TBC1D9: variants seen among roughly 807,000 people sequenced by gnomAD.
TBC1D9 encodes TBC1 domain family member 9A.
TBC1D9 carries 63 observed loss-of-function variants against 132.0 expected under a neutral mutation model. That is an observed-to-expected ratio of 0.48 (90% confidence interval 0.39 to 0.59). The LOEUF is 0.59. Among genes scored for constraint, TBC1D9 ranks in the 20% least tolerant of loss-of-function variants. The pLI is 0.00. For missense variants in TBC1D9, 1,261 were observed against 1,592.7 expected (o/e 0.79, Z 3.54); for synonymous variants, 610 against 609.9 (o/e 1.00, Z 0.00).
rs760284706 is a variant in TBC1D9, at chr4:140,669,659, G to A, written c.1412C>T (p.Ser471Phe). The A allele has an allele frequency of 1.2e-6, 2 of 1,612,624 alleles. No homozygotes were observed. Among genetic ancestry groups the A allele is most frequent in the Non-Finnish European group, 1.7e-6 (2 of 1,178,832 alleles). ...CAATTTCGGGTTGAACTCCTCGGGA[G>A]ACCGCCGCCGATACATGGTCATCAG... The part of the protein sequence containing the change: ...QTLMTMYRRR[S>F]PEEFNPKLAK... Residue 471 changes from serine to phenylalanine, a missense_variant, in exon 8 of 21, where the codon TCT (serine) becomes TTT (phenylalanine). Physicochemically the swap from Ser to Phe is radical, Grantham distance 155. Coordinates refer to ENST00000442267, the MANE Select transcript of TBC1D9 (RefSeq NM_015130.3).
chr4:140,664,040 CAAAA>C (rs1224457471), intron 9 of TBC1D9, among the ~76,000 whole-genome samples: 1 of 112,926 alleles, frequency 8.9e-6, no homozygotes, highest in Non-Finnish European at 1.8e-5. Context: ...CTCTCCCCAC[CAAAA>C]AAAAAAAAAA....
At chr4:140,732,737 T>C (rs138055953) in intron 1 of TBC1D9, among the ~76,000 whole-genome samples, 125 of 152,300 alleles carry the variant, frequency 8.2e-4, no homozygotes, top group African/African-American at 2.9e-3. Flanking sequence ...ATTCCTTCAC[T>C]GTTAACAGGA....
rs532810763 is a variant in TBC1D9, at chr4:140,687,403, T to C, written c.242-941A>G. On this transcript the variant is annotated intron_variant, in intron 2 of 20. Coordinates refer to ENST00000442267, the MANE Select transcript of TBC1D9 (RefSeq NM_015130.3). ...ATATATATATATATATATAAACATATAGTATGCACTGCTCATTCCAGAACT... is the reference window on the plus strand; with the variant it reads ...ATATATATATATATATATAAACATACAGTATGCACTGCTCATTCCAGAACT... Among the ~76,000 whole-genome samples the C allele has an allele frequency of 2.7e-3, 318 of 119,728 alleles. 7 individuals are homozygous for C. The highest frequency in any genetic ancestry group is 8.4e-3 in the African/African-American group (277 of 32,966). 78.5% of individuals were successfully genotyped at this position (119,728 alleles called of 152,430 possible).
intron 13 of TBC1D9, among the ~76,000 whole-genome samples, chr4:140,656,533 G>A (rs1737275454): frequency 1.3e-5 from 2 of 152,150 alleles, no homozygotes; most frequent in South Asian, 4.1e-4. Flanking sequence ...AGCGTTACCA[G>A]TACTGCACAA....
chr4:140,683,092 G>C (rs1230769879), intron 3 of TBC1D9, among the ~76,000 whole-genome samples: 1 of 152,014 alleles, frequency 6.6e-6, no homozygotes, highest in Non-Finnish European at 1.5e-5. Context: ...TGGTCAGGCT[G>C]GTCTCGAACT....
intron 1 of TBC1D9, among the ~76,000 whole-genome samples, chr4:140,719,830 AG>A (rs1355344164): frequency 6.6e-6 from 1 of 152,226 alleles, no homozygotes; most frequent in Non-Finnish European, 1.5e-5. Context: ...ATACTCATGC[AG>A]GAGACTGTTT....
intron 2 of TBC1D9, chr4:140,701,017 C>T (rs980587831): frequency 6.4e-6 from 1 of 155,874 alleles, no homozygotes; most frequent in Non-Finnish European, 1.4e-5. Context: ...TAAAGAATCC[C>T]TACTCAGTAG....
intron 13 of TBC1D9, among the ~76,000 whole-genome samples, chr4:140,655,934 G>A (rs1302939459): frequency 6.6e-6 from 1 of 152,090 alleles, no homozygotes; most frequent in Admixed American, 6.5e-5. Flanking sequence ...ACTCTCAACA[G>A]CCCCTACTTA....
intron 13 of TBC1D9, among the ~76,000 whole-genome samples, chr4:140,646,419 G>A (rs1737104089): frequency 6.6e-6 from 1 of 152,142 alleles, no homozygotes; most frequent in South Asian, 2.1e-4. Flanking sequence ...AAAAGCATAG[G>A]AAATACAGGA....
intron 6 of TBC1D9, among the ~76,000 whole-genome samples, chr4:140,674,529 T>C (rs117190057): frequency 6.6e-6 from 1 of 151,938 alleles, no homozygotes; most frequent in Non-Finnish European, 1.5e-5. Context: ...TAAAATTTAA[T>C]TGTGATATGA....
chr4:140,713,900 A>G (rs1738289531), intron 1 of TBC1D9, among the ~76,000 whole-genome samples: 1 of 152,226 alleles, frequency 6.6e-6, no homozygotes, highest in South Asian at 2.1e-4. Context: ...GCAGTTTTTA[A>G]TACTATAGGA....
At chr4:140,755,028 C>CT in intron 1 of TBC1D9, among the ~76,000 whole-genome samples, 1 of 152,260 alleles carries the variant, frequency 6.6e-6, no homozygotes, top group East Asian at 1.9e-4. Flanking sequence ...AAGTTCATCT[C>CT]TTTTTTGCAG....
At position 140,670,794 on chromosome 4, in the gene TBC1D9, A is replaced by T; in HGVS notation, c.1192T>A (p.Phe398Ile). The T allele has an allele frequency of 2.5e-6, 4 of 1,614,014 alleles. No homozygotes were observed. Among genetic ancestry groups the T allele is most frequent in the Non-Finnish European group, 3.4e-6 (4 of 1,179,886 alleles). ...RDFLVQRISD[F>I]LQQTTSKIYS... ...ATTTTGGAAGTAGTCTGTTGCAGGAAATCTGAGATCCTCTGCACTAGAAAG... is the reference window on the plus strand; with the variant it reads ...ATTTTGGAAGTAGTCTGTTGCAGGATATCTGAGATCCTCTGCACTAGAAAG... The change falls in exon 7 of 21, where the codon TTC becomes ATC. Residue 398 changes from phenylalanine (F) to isoleucine (I), a missense_variant. Transcript: ENST00000442267.
chr4:140,636,538 A>G (rs560542591), intron 15 of TBC1D9, among the ~76,000 whole-genome samples: 1 of 151,982 alleles, frequency 6.6e-6, no homozygotes, highest in Non-Finnish European at 1.5e-5. Context: ...ATATGCTACC[A>G]TGCCTGGCTA....
intron 2 of TBC1D9, among the ~76,000 whole-genome samples, chr4:140,691,594 A>C (rs1737879171): frequency 6.6e-6 from 1 of 152,178 alleles, no homozygotes. Context: ...CCGATTGTGT[A>C]ATCAGCTGGA....
intron 1 of TBC1D9, among the ~76,000 whole-genome samples, chr4:140,748,353 T>C (rs1738868917): frequency 6.6e-6 from 1 of 151,894 alleles, no homozygotes; most frequent in African/African-American, 2.4e-5. Context: ...GTAACAGACA[T>C]AGAAGATACA....
intron 13 of TBC1D9, among the ~76,000 whole-genome samples, chr4:140,651,966 C>T (rs1282335566): frequency 3.3e-5 from 5 of 152,076 alleles, no homozygotes; most frequent in East Asian, 1.9e-4. Context: ...TGGTTGGGCA[C>T]GGTGGCTTAA....
chr4:140,704,466 A>G (rs1010911686), intron 1 of TBC1D9, among the ~76,000 whole-genome samples: 3 of 151,816 alleles, frequency 2.0e-5, no homozygotes, highest in Non-Finnish European at 2.9e-5. Flanking sequence ...AGGACAAAAA[A>G]GAATCGGCCT....
chr4:140,643,095 G>A lies in TBC1D9; in HGVS notation c.2338-3667C>T, dbSNP rs1018115448. 20 of 1,376,104 alleles carry A rather than the reference G, an allele frequency of 1.5e-5. No homozygotes were observed. The African/African-American group carries it at 1.7e-4, about 12-fold the overall frequency. 85.2% of individuals were successfully genotyped at this position (1,376,104 alleles called of 1,614,324 possible). A position where few individuals can be genotyped will look rare whatever the true frequency, so the allele number is the denominator to read the frequency against. ...GTACTTATTGTGGGCTTCAGCTCCCGTGGGAGCCGCAGGTTCTTGAGCGGG... is the reference window on the plus strand; with the variant it reads ...GTACTTATTGTGGGCTTCAGCTCCCATGGGAGCCGCAGGTTCTTGAGCGGG... On this transcript the variant is annotated intron_variant, in intron 13 of 20. Coordinates refer to ENST00000442267, the MANE Select transcript of TBC1D9 (RefSeq NM_015130.3).
Sources: gnomAD v4.1 joint callset for allele counts (sites outside exome capture counted in the v4.1 genomes callset) on GRCh38, gnomAD v4.1.1 for gene constraint, MANE v1.5 for transcripts, NCBI Gene and HGNC (gene_info 2026-07-23, HGNC 2026-07-21) for gene names.